The following OSBPL5 variants were observed in gnomAD, a reference collection of about 807,000 sequenced individuals.
The protein encoded by OSBPL5 is oxysterol-binding protein-related protein 5.
A neutral mutation model predicts 111.2 loss-of-function variants in OSBPL5; 71 were observed. That is an observed-to-expected ratio of 0.64 (90% CI 0.53 to 0.78). OSBPL5 has a LOEUF of 0.78. Ranked by LOEUF, OSBPL5 falls within the 30% of genes least tolerant of loss-of-function variation. OSBPL5 has a pLI of 0.00. For missense variants in OSBPL5, 1,210 were observed against 1,189.3 expected, an observed-to-expected ratio of 1.02 and a Z score of -0.26; for synonymous variants, 549 against 513.9, an observed-to-expected ratio of 1.07 and a Z score of -0.93.
rs1042151069 is a variant in OSBPL5, at chr11:3,127,350, G to A, written c.137-795C>T. On this transcript the variant is annotated intron_variant, in intron 2 of 21. Transcript: ENST00000263650. Reference sequence around the variant, plus strand: ...CAGGCGACAGGCCAGCAACAGGCTGGGTGCGTGGACAGACGCCACAGACCA... The same window carrying A: ...CAGGCGACAGGCCAGCAACAGGCTGAGTGCGTGGACAGACGCCACAGACCA... Among the ~76,000 whole-genome samples the A allele has an allele frequency of 3.3e-5, 5 of 152,346 alleles. No homozygotes were observed. The East Asian group carries it at 9.6e-4, about 29-fold the overall frequency.
chr11:3,127,426 G>T (rs1409331918), intron 2 of OSBPL5, among the ~76,000 whole-genome samples: 1 of 152,244 alleles, frequency 6.6e-6, no homozygotes, highest in African/African-American at 2.4e-5. Context: ...CCCTGGGCAG[G>T]GACTGGATGG....
chr11:3,119,647 T>A lies in OSBPL5; in HGVS notation c.607-16A>T. The A allele has an allele frequency of 6.3e-7, 1 of 1,577,162 alleles. No individual in the cohort carries two copies. The highest frequency in any genetic ancestry group is 8.6e-7 in the Non-Finnish European group (1 of 1,164,958). ...CTTTGGGGCCCTGGAGAGAGAGAGA[T>A]CTGGGTGTCACCCGAGGCAACACCC... On this transcript the variant is annotated splice_polypyrimidine_tract_variant and intron_variant, in intron 6 of 21. Transcript: ENST00000263650.
chr11:3,105,485 G>A lies in OSBPL5; in HGVS notation c.1060-1108C>T, dbSNP rs978298477. Among the ~76,000 whole-genome samples, 12 of 152,166 alleles carry A rather than the reference G, an allele frequency of 7.9e-5. No homozygotes were observed. The highest frequency in any genetic ancestry group is 9.6e-5 in the African/African-American group (4 of 41,512). On this transcript the variant is annotated intron_variant, in intron 9 of 21. Transcript: ENST00000263650. The surrounding 1 kb of genome is among the most constrained non-coding windows in gnomAD (Gnocchi z 5.2). The stretch of plus-strand genomic sequence containing the variant: ...GGGCTTGGAAATCATGGGTAGCTTC[G>A]GCTGTCAGGAATCCTGCTCTGTCCA...
chr11:3,129,783 A>T (rs562434585), intron 1 of OSBPL5, among the ~76,000 whole-genome samples: 1 of 152,178 alleles, frequency 6.6e-6, no homozygotes, highest in Non-Finnish European at 1.5e-5. Flanking sequence ...CAAGAGAGGG[A>T]GCTCTGGGCG....
intron 7 of OSBPL5, among the ~76,000 whole-genome samples, chr11:3,108,723 G>A (rs4542390): frequency 0.5 from 75,805 of 151,932 alleles, 21,190 homozygotes; most frequent in African/African-American, 0.75. Flanking sequence ...CGCACTCAGA[G>A]GAGCATCTCG....
rs776059280 is a variant in OSBPL5, at chr11:3,141,936, G to A, written c.-21-12767C>T. ...TCTTTCTTTTTATTTTTTTTGAGAC[G>A]GAGTCTCGCTCTGTTGCCCAGACTG... is the stretch of plus-strand genomic sequence containing the variant. On this transcript the variant is annotated intron_variant, in intron 1 of 21. Coordinates refer to ENST00000263650, the MANE Select transcript of OSBPL5 (RefSeq NM_020896.4). This position sits in a 1 kb window ranked among gnomAD's most constrained non-coding sequence, Gnocchi z 6.5. Among the ~76,000 whole-genome samples, 3 of 151,878 alleles carry A rather than the reference G, an allele frequency of 2.0e-5. No individual in the cohort carries two copies. Among genetic ancestry groups the A allele is most frequent in the South Asian group, 2.1e-4 (1 of 4,816 alleles).
chr11:3,096,248 A>T (rs1347046672), intron 14 of OSBPL5, among the ~76,000 whole-genome samples: 1 of 152,222 alleles, frequency 6.6e-6, no homozygotes, highest in Non-Finnish European at 1.5e-5. Context: ...GATATGAACC[A>T]GATTGTAGAC....
chr11:3,103,752 TCCAGCTCTGCA>T (rs1459990101), intron 10 of OSBPL5, among the ~76,000 whole-genome samples: 5 of 33,456 alleles, frequency 1.5e-4, no homozygotes, highest in South Asian at 2.8e-3. Flanking sequence ...GCAACCCTCT[TCCAGCTCTGCA>T]GCCCCCTTCC....
chr11:3,093,701 G>C (rs1054467359), intron 16 of OSBPL5, 38 bp from the exon 17 acceptor site: 6 of 1,612,614 alleles, frequency 3.7e-6, no homozygotes, highest in Non-Finnish European at 3.4e-6. Context: ...GGCTGGCCTG[G>C]CGTTGACCGC....
intron 1 of OSBPL5, among the ~76,000 whole-genome samples, chr11:3,131,541 AT>A (rs1212038052): frequency 2.2e-5 from 3 of 137,142 alleles, no homozygotes; most frequent in African/African-American, 8.5e-5. Context: ...CCATCCATCC[AT>A]CCATCCACCC....
At chr11:3,135,468 C>T (rs1845924976) in intron 1 of OSBPL5, among the ~76,000 whole-genome samples, 1 of 151,212 alleles carries the variant, frequency 6.6e-6, no homozygotes, top group Non-Finnish European at 1.5e-5. Flanking sequence ...ACTCCTGAGG[C>T]CCTCCTCTGG....
chr11:3,144,415 A>G (rs1222018296), intron 1 of OSBPL5, among the ~76,000 whole-genome samples: 2 of 152,202 alleles, frequency 1.3e-5, no homozygotes, highest in African/African-American at 2.4e-5. Flanking sequence ...TCTTTAAAAA[A>G]CAAAGTGGAA....
rs1342251998 is a variant in OSBPL5 at position 3,104,360 on chromosome 11, C to T, written c.1077G>A (p.Gln359=). ...TGTTCTCCTCTGACACTGTCTCCAC[C>T]TGGGACGCCTCGCCCAGCTGCAGCA... ...EELGELGEAS[Q]VETVSEENKS... Residue 359 remains glutamine (Q), a synonymous_variant, in exon 10 of 22, where the codon CAG becomes CAA. Transcript: ENST00000263650. The surrounding 1 kb of genome is among the most constrained non-coding windows in gnomAD (Gnocchi z 5.0). 24 of 1,611,124 alleles carry T rather than the reference C, an allele frequency of 1.5e-5. No homozygotes were observed. Among genetic ancestry groups the T allele is most frequent in the Non-Finnish European group, 2.0e-5 (24 of 1,179,758 alleles).
At chr11:3,136,948 C>G (rs1406168755) in intron 1 of OSBPL5, among the ~76,000 whole-genome samples, 1 of 152,244 alleles carries the variant, frequency 6.6e-6, no homozygotes, top group Non-Finnish European at 1.5e-5. Context: ...AGGGGAAATG[C>G]TCTAAAATCA....
At chr11:3,139,057 C>T (rs1367681571) in intron 1 of OSBPL5, among the ~76,000 whole-genome samples, 1 of 152,232 alleles carries the variant, frequency 6.6e-6, no homozygotes, top group Non-Finnish European at 1.5e-5. Flanking sequence ...TCGCTGACAC[C>T]GAGTGGGGAT....
At position 3,154,339 on chromosome 11, in the gene OSBPL5, G is replaced by A. The variant is rs185225024; in HGVS notation, c.-22+10877C>T. Among the ~76,000 whole-genome samples the A allele has an allele frequency of 8.2e-4, 125 of 152,316 alleles. No individual in the cohort carries two copies. The highest frequency in any genetic ancestry group is 2.9e-3 in the African/African-American group (121 of 41,586). On this transcript the variant is annotated intron_variant, in intron 1 of 21. Transcript: ENST00000263650. This position sits in a 1 kb window ranked among gnomAD's most constrained non-coding sequence, Gnocchi z 4.9. The stretch of plus-strand genomic sequence containing the variant: ...AAACATGCCGAGTCACCCACATCCT[G>A]GCCTCCCCGCCCACTTTGCCGGTGG...
At chr11:3,099,410 A>T (rs1281634981) in intron 14 of OSBPL5, among the ~76,000 whole-genome samples, 1 of 152,236 alleles carries the variant, frequency 6.6e-6, no homozygotes, top group Non-Finnish European at 1.5e-5. Flanking sequence ...GTATTGGCTC[A>T]TCGATGATAC....
intron 1 of OSBPL5, among the ~76,000 whole-genome samples, chr11:3,134,737 G>C (rs915657858): frequency 6.6e-6 from 1 of 151,604 alleles, no homozygotes; most frequent in Admixed American, 6.6e-5. Context: ...GGGCCGGGGA[G>C]CCCACAGGGG....
intron 1 of OSBPL5, among the ~76,000 whole-genome samples, chr11:3,153,279 A>G (rs1418383495): frequency 6.6e-6 from 1 of 152,248 alleles, no homozygotes; most frequent in African/African-American, 2.4e-5. Context: ...AAGCCTCCAT[A>G]AAATACATGT....
Sources: allele counts gnomAD v4.1 joint callset (sites outside exome capture counted in the v4.1 genomes callset), GRCh38; gene constraint gnomAD v4.1.1; non-coding constraint Gnocchi (gnomAD v3.1); transcripts MANE v1.5; gene names NCBI Gene and HGNC (gene_info 2026-07-23, HGNC 2026-07-21).